TIAM2: variants seen among roughly 807,000 people sequenced by gnomAD.
TIAM2 encodes the protein rho guanine nucleotide exchange factor TIAM2.
A neutral mutation model predicts 152.9 loss-of-function variants in TIAM2; 80 were observed. That is an observed-to-expected ratio of 0.52 (90% confidence interval 0.44 to 0.63). The LOEUF is 0.63. Among genes scored for constraint, TIAM2 ranks in the 30% least tolerant of loss-of-function variants. The probability of loss-of-function intolerance (pLI) is 0.00; values close to 1 mark genes in which losing one functional copy is unlikely to be tolerated. For missense variants in TIAM2, 1,965 were observed against 2,120.1 expected, an observed-to-expected ratio of 0.93 and a Z score of 1.44; for synonymous variants, 804 against 838.0, an observed-to-expected ratio of 0.96 and a Z score of 0.70.
At chr6:155,029,888 A>G (rs1231145878) in intron 1 of TIAM2, among the ~76,000 whole-genome samples, 3 of 151,520 alleles carry the variant, frequency 2.0e-5, no homozygotes, top group African/African-American at 7.3e-5. Flanking sequence ...CGCCTCCCAG[A>G]CACAAGCCAT....
chr6:155,001,325 C>T (rs1778308574), intron 1 of TIAM2, among the ~76,000 whole-genome samples: 1 of 152,176 alleles, frequency 6.6e-6, no homozygotes, highest in African/African-American at 2.4e-5. Context: ...AGATTTGAAT[C>T]CAGGTCTGTC....
intron 7 of TIAM2, among the ~76,000 whole-genome samples, chr6:155,152,339 C>T (rs907906401): frequency 6.6e-6 from 1 of 152,144 alleles, no homozygotes; most frequent in Non-Finnish European, 1.5e-5. Flanking sequence ...GGAGAGCTGC[C>T]CCCACGAGCC....
intron 1 of TIAM2, among the ~76,000 whole-genome samples, chr6:155,051,701 A>G (rs932618000): frequency 2.0e-5 from 3 of 151,802 alleles, no homozygotes; most frequent in African/African-American, 7.3e-5. Context: ...CTGGAGTGCA[A>G]TGGCACAACC....
intron 2 of TIAM2, among the ~76,000 whole-genome samples, chr6:155,100,575 G>T (rs1471893223): frequency 6.6e-6 from 1 of 152,134 alleles, no homozygotes; most frequent in Non-Finnish European, 1.5e-5. Flanking sequence ...GTTCATTCAT[G>T]CATGCAGTTA....
chr6:155,250,858 G>C, intron 21 of TIAM2, 55 bp from the exon 22 acceptor site: 1 of 1,548,174 alleles, frequency 6.5e-7, no homozygotes, highest in East Asian at 2.2e-5. Flanking sequence ...TCTAACAAGA[G>C]ATCATCTAGC....
At chr6:155,047,944 GTTATT>G (rs1777238393) in intron 1 of TIAM2, among the ~76,000 whole-genome samples, 1 of 152,032 alleles carries the variant, frequency 6.6e-6, no homozygotes, top group Non-Finnish European at 1.5e-5. Context: ...CTCAGCAAGG[GTTATT>G]TTATTTTATT....
chr6:155,047,703 GAGC>G (rs1777221082), intron 1 of TIAM2, among the ~76,000 whole-genome samples: 7 of 23,852 alleles, frequency 2.9e-4, no homozygotes, highest in African/African-American at 1.4e-3. Flanking sequence ...GAGAGAGAGA[GAGC>G]GAGAGAGAGA....
At chr6:155,043,061 A>C (rs75021384) in intron 1 of TIAM2, among the ~76,000 whole-genome samples, 1 of 151,982 alleles carries the variant, frequency 6.6e-6, no homozygotes, top group African/African-American at 2.4e-5. Context: ...CGCTGGGGGG[A>C]TGCATTATGA....
At chr6:155,057,456 G>C (rs1207032083) in intron 1 of TIAM2, among the ~76,000 whole-genome samples, 1 of 149,820 alleles carries the variant, frequency 6.7e-6, no homozygotes, top group Non-Finnish European at 1.5e-5. Flanking sequence ...TGTCACTGTT[G>C]ATGTTAATCT....
chr6:155,097,972 G>T (rs1433056391), intron 2 of TIAM2, among the ~76,000 whole-genome samples: 1 of 152,116 alleles, frequency 6.6e-6, no homozygotes, highest in South Asian at 2.1e-4. Context: ...TTATAAATGT[G>T]TGAATTTTTA....
Position 155,254,463 on chromosome 6 carries a change from T to C in TIAM2, c.4358T>C (p.Ile1453Thr). The change falls in exon 26 of 27, where the codon ATT (isoleucine) becomes ACT (threonine). Residue 1453 changes from isoleucine to threonine, a missense_variant. Physicochemically the swap from Ile to Thr is moderately conservative, Grantham distance 89. Coordinates refer to ENST00000682666, the MANE Select transcript of TIAM2 (RefSeq NM_012454.4). ...KTNIVKVIRS[I>T]LRENFRRHIK... ...AACATTGTTAAGGTGATTCGTTCTA[T>C]TCTGAGGGAGAACTTCAGGCGTCAC... 6.2e-7 allele frequency: 1 copy of C among 1,614,170 alleles called. No homozygotes were observed. The highest frequency in any genetic ancestry group is 8.5e-7 in the Non-Finnish European group (1 of 1,180,016).
chr6:155,172,680 ATATATATTTTTTT>A (rs1262761950), intron 9 of TIAM2, among the ~76,000 whole-genome samples: 227 of 13,774 alleles, frequency 0.016, 2 homozygotes, highest in Admixed American at 0.044. Flanking sequence ...ATATATATAT[ATATATATTTTTTT>A]TTTTTTTTTT....
At chr6:155,197,746 T>G (rs1781380645) in intron 14 of TIAM2, among the ~76,000 whole-genome samples, 1 of 152,096 alleles carries the variant, frequency 6.6e-6, no homozygotes, top group Admixed American at 6.5e-5. Context: ...GGAAAGCCCC[T>G]TGTGAAACCA....
intron 1 of TIAM2, among the ~76,000 whole-genome samples, chr6:155,082,353 C>A (rs2114968046): frequency 6.6e-6 from 1 of 151,564 alleles, no homozygotes; most frequent in East Asian, 2.0e-4. Context: ...TAAAAACTAG[C>A]TAACTAAATA....
At position 155,215,782 on chromosome 6, in the gene TIAM2, A is replaced by G. The variant is rs576648560; in HGVS notation, c.3168+4475A>G. On this transcript the variant is annotated intron_variant, in intron 15 of 26. Transcript: ENST00000682666. Reference sequence around the variant, plus strand: ...TATATCTAAAGCAATCCTCTTCTGGATTTTTTTTTTATTGTTTTAAATTTT... The same window carrying G: ...TATATCTAAAGCAATCCTCTTCTGGGTTTTTTTTTTATTGTTTTAAATTTT... Among the ~76,000 whole-genome samples the G allele has an allele frequency of 4.4e-3, 535 of 121,466 alleles. 2 individuals carry two copies. The highest frequency in any genetic ancestry group is 0.016 in the African/African-American group (517 of 31,780). 79.7% of individuals were successfully genotyped at this position (121,466 alleles called of 152,430 possible).
At chr6:155,107,488 T>C (rs1778724127) in intron 2 of TIAM2, among the ~76,000 whole-genome samples, 2 of 152,214 alleles carry the variant, frequency 1.3e-5, no homozygotes, top group South Asian at 4.1e-4. Context: ...CACTTCTCAG[T>C]GTGATCATGT....
At chr6:155,113,006 C>G (rs959392358) in intron 2 of TIAM2, among the ~76,000 whole-genome samples, 2 of 152,124 alleles carry the variant, frequency 1.3e-5, no homozygotes, top group Non-Finnish European at 2.9e-5. Flanking sequence ...CATATCCACA[C>G]AGCAGCTACA....
intron 7 of TIAM2, among the ~76,000 whole-genome samples, chr6:155,161,140 G>A (rs1439446517): frequency 3.3e-5 from 5 of 152,096 alleles, no homozygotes; most frequent in Non-Finnish European, 7.3e-5. Flanking sequence ...TTATTAAAGT[G>A]TTTCTGATAA....
intron 1 of TIAM2, among the ~76,000 whole-genome samples, chr6:155,001,536 G>A (rs1300909987): frequency 2.0e-5 from 3 of 152,200 alleles, no homozygotes; most frequent in Admixed American, 6.5e-5. Flanking sequence ...GCCCTGAGAA[G>A]GTTCCCTGCC....
Sources: gnomAD v4.1 joint callset for allele counts (sites outside exome capture counted in the v4.1 genomes callset) on GRCh38, gnomAD v4.1.1 for gene constraint, MANE v1.5 for transcripts, NCBI Gene and HGNC (gene_info 2026-07-23, HGNC 2026-07-21) for gene names.